Variants in MAST4 observed in about 807,000 individuals in gnomAD.
MAST4 encodes microtubule associated serine/threonine kinase family member 4, also known as microtubule-associated serine/threonine-protein kinase 4.
A neutral mutation model predicts 162.7 loss-of-function variants in MAST4; 89 were observed. That is an observed-to-expected ratio of 0.55 (90% CI 0.46 to 0.65). The LOEUF (loss-of-function observed/expected upper bound fraction) is 0.65. Ranked by LOEUF, MAST4 falls within the 30% of genes least tolerant of loss-of-function variation. The probability of loss-of-function intolerance (pLI) is 0.00; values close to 1 mark genes in which losing one functional copy is unlikely to be tolerated. For synonymous variants in MAST4, 1,479 were observed against 1,361.1 expected (o/e 1.09, Z -1.91); for missense variants, 3,153 against 3,374.0 (o/e 0.93, Z 1.62).
rs1193205591 is a variant in MAST4, at chr5:67,163,706, C to T, written c.4527C>T (p.Cys1509=). ...LSRARPVEQG[C]LKRPVSRKVG... Reference sequence around the variant, plus strand: ...GCGCCCGGCCAGTGGAGCAAGGCTGCCTGAAACGCCCAGTCTCCCGGAAGG... The same window carrying T: ...GCGCCCGGCCAGTGGAGCAAGGCTGTCTGAAACGCCCAGTCTCCCGGAAGG... Residue 1509 remains cysteine, a synonymous_variant, in exon 29 of 29, where the codon TGC becomes TGT. Coordinates refer to ENST00000403625, the MANE Select transcript of MAST4 (RefSeq NM_001164664.2). The surrounding 1 kb of genome is among the most constrained non-coding windows in gnomAD (Gnocchi z 7.0). 6.2e-7 allele frequency: 1 copy of T among 1,608,822 alleles called. No individual in the cohort carries two copies. The highest frequency in any genetic ancestry group is 8.5e-7 in the Non-Finnish European group (1 of 1,178,092).
rs202199042 is a variant in MAST4, at chr5:67,164,451, C to T, written c.5272C>T (p.Leu1758Phe). Reference sequence around the variant, plus strand: ...GATGAGTGCCGTCTCTTTTGTTCCCCTCAAGGCCTTAACAGGCCGGGTGGA... The same window carrying T: ...GATGAGTGCCGTCTCTTTTGTTCCCTTCAAGGCCTTAACAGGCCGGGTGGA... ...AQMSAVSFVPLKALTGRVDSG... is the reference protein window; with the variant it reads ...AQMSAVSFVPFKALTGRVDSG... The change falls in exon 29 of 29, where the codon CTC becomes TTC. Residue 1758 changes from leucine (L) to phenylalanine (F), a missense_variant. By Grantham distance (22) the Leu-to-Phe change is conservative (BLOSUM62 0). Around this residue, in one of 7 missense-constraint regions of MAST4, gnomAD observed 1,644 missense variants for 1,495.0 expected, o/e 1.10. Coordinates refer to ENST00000403625, the MANE Select transcript of MAST4 (RefSeq NM_001164664.2). The surrounding 1 kb of genome is among the most constrained non-coding windows in gnomAD (Gnocchi z 5.3). 2.1e-4 allele frequency: 341 copies of T among 1,613,902 alleles called. 1 individual carries two copies. Among genetic ancestry groups the T allele is most frequent in the Non-Finnish European group, 1.7e-4 (205 of 1,179,906 alleles).
At chr5:67,160,258 G>A (rs193300460) in intron 26 of MAST4, among the ~76,000 whole-genome samples, 198 bp from the exon 27 acceptor site, 10 of 152,296 alleles carry the variant, frequency 6.6e-5, no homozygotes, top group Admixed American at 1.3e-4. Context: ...ACTCACCCTC[G>A]TAAAGAAACT....
At chr5:66,695,250 C>T (rs764096745) in intron 1 of MAST4, among the ~76,000 whole-genome samples, 1 of 152,122 alleles carries the variant, frequency 6.6e-6, no homozygotes, top group African/African-American at 2.4e-5. Flanking sequence ...CCAGTTTTCC[C>T]AGCACCATTT....
At chr5:66,768,259 G>A (rs1004550692) in intron 2 of MAST4, among the ~76,000 whole-genome samples, 1 of 152,208 alleles carries the variant, frequency 6.6e-6, no homozygotes, top group African/African-American at 2.4e-5. Flanking sequence ...AAGCACTGAA[G>A]ATGGTTTGGG....
intron 3 of MAST4, among the ~76,000 whole-genome samples, chr5:66,793,300 C>T (rs1294931846): frequency 1.3e-5 from 2 of 152,172 alleles, no homozygotes; most frequent in African/African-American, 4.8e-5. Flanking sequence ...AGCCAGTGTC[C>T]GCCTGCTGGG....
At chr5:67,116,336 T>G (rs1581616759) in intron 12 of MAST4, among the ~76,000 whole-genome samples, 1 of 151,532 alleles carries the variant, frequency 6.6e-6, no homozygotes, top group African/African-American at 2.4e-5. Flanking sequence ...CTCCCGAGTA[T>G]CTGGGATTAC....
intron 18 of MAST4, among the ~76,000 whole-genome samples, chr5:67,135,653 G>A (rs536177040): frequency 3.3e-5 from 5 of 152,324 alleles, no homozygotes; most frequent in Admixed American, 1.3e-4. Flanking sequence ...CAATATCTGA[G>A]CTGTTTATGG....
intron 4 of MAST4, among the ~76,000 whole-genome samples, chr5:66,981,492 A>T (rs1465885535): frequency 6.6e-6 from 1 of 152,204 alleles, no homozygotes; most frequent in Non-Finnish European, 1.5e-5. Context: ...CGGTGATGGA[A>T]GGATGGGGGT....
At chr5:66,868,990 A>G (rs1325387497) in intron 3 of MAST4, among the ~76,000 whole-genome samples, 1 of 152,200 alleles carries the variant, frequency 6.6e-6, no homozygotes, top group Non-Finnish European at 1.5e-5. Flanking sequence ...AATAAACCAC[A>G]GGCCCAGGAT....
chr5:66,731,947 C>T (rs1296716266), intron 1 of MAST4, among the ~76,000 whole-genome samples: 3 of 151,960 alleles, frequency 2.0e-5, no homozygotes, highest in African/African-American at 7.3e-5. Flanking sequence ...TTCACCTTCC[C>T]TTCAGGTAGG....
At chr5:67,148,988 G>A (rs1337313441) in intron 23 of MAST4, among the ~76,000 whole-genome samples, 1 of 152,212 alleles carries the variant, frequency 6.6e-6, no homozygotes, top group Non-Finnish European at 1.5e-5. Context: ...TGAAGTGGGC[G>A]GCCATGGTGT....
chr5:66,747,986 C>T (rs141857451), intron 1 of MAST4, among the ~76,000 whole-genome samples: 1 of 152,056 alleles, frequency 6.6e-6, no homozygotes. Flanking sequence ...GCAGATGGAC[C>T]CGTGAAGTCT....
intron 3 of MAST4, among the ~76,000 whole-genome samples, chr5:66,811,250 A>C (rs1290842158): frequency 6.6e-6 from 1 of 152,238 alleles, no homozygotes; most frequent in Non-Finnish European, 1.5e-5. Context: ...GCCAGGAATA[A>C]ACGGCTTATG....
chr5:66,788,607 C>CCAAACAA, intron 2 of MAST4, 63 bp from the exon 3 acceptor site: 1 of 1,373,714 alleles, frequency 7.3e-7, no homozygotes, highest in Non-Finnish European at 1.0e-6. Flanking sequence ...CCCCCACCCC[C>CCAAACAA]ATTGCAATAA....
intron 4 of MAST4, among the ~76,000 whole-genome samples, chr5:67,045,451 G>A (rs1216352575): frequency 2.0e-5 from 3 of 152,156 alleles, no homozygotes; most frequent in African/African-American, 4.8e-5. Flanking sequence ...ATAGAGCCAC[G>A]AAATGGAGAA....
chr5:67,062,704 T>TA (rs991400130), intron 5 of MAST4, among the ~76,000 whole-genome samples: 16 of 152,332 alleles, frequency 1.1e-4, no homozygotes, highest in African/African-American at 3.4e-4. Context: ...TTAGCCTTAA[T>TA]AGGAATTAAG....
intron 7 of MAST4, among the ~76,000 whole-genome samples, chr5:67,098,688 A>G (rs1489611702): frequency 6.6e-6 from 1 of 152,164 alleles, no homozygotes; most frequent in African/African-American, 2.4e-5. Flanking sequence ...CTGAAGAACT[A>G]GCAGCATAAT....
intron 4 of MAST4, among the ~76,000 whole-genome samples, chr5:67,006,301 C>A (rs1220696702): frequency 1.3e-5 from 2 of 152,174 alleles, no homozygotes; most frequent in African/African-American, 2.4e-5. Context: ...GAAGTTGTAC[C>A]TTTTAAGTAA....
chr5:67,131,186 C>T (rs541474122), intron 15 of MAST4, among the ~76,000 whole-genome samples: 15 of 152,106 alleles, frequency 9.9e-5, no homozygotes, highest in Admixed American at 6.6e-4. Flanking sequence ...AAGACAAAAA[C>T]GTAGCTTGCC....
Sources: allele counts gnomAD v4.1 joint callset (sites outside exome capture counted in the v4.1 genomes callset), GRCh38; gene constraint gnomAD v4.1.1; regional missense constraint gnomAD v4.1.1; non-coding constraint Gnocchi (gnomAD v3.1); transcripts MANE v1.5; gene names NCBI Gene and HGNC (gene_info 2026-07-23, HGNC 2026-07-21).